Variants in ENTPD5 observed in about 807,000 individuals in gnomAD.
ENTPD5 encodes the protein ectonucleoside triphosphate diphosphohydrolase 5 (inactive).
A neutral mutation model predicts 60.2 loss-of-function variants in ENTPD5; 49 were observed. The ratio of observed to expected loss-of-function variants is 0.81; its 90% confidence interval spans 0.65 to 1.03. The LOEUF (loss-of-function observed/expected upper bound fraction) is 1.03, where lower values mean the gene tolerates loss of function less well. ENTPD5 is among the 50% of genes least tolerant of loss of function. The probability of loss-of-function intolerance (pLI) is 0.00; values close to 1 mark genes in which losing one functional copy is unlikely to be tolerated. For synonymous variants in ENTPD5, 187 were observed against 185.4 expected (o/e 1.01, Z -0.07); for missense variants, 480 against 507.6 (o/e 0.95, Z 0.52).
chr14:73,984,686 TAATTA>T (rs1206189981), intron 5 of ENTPD5, among the ~76,000 whole-genome samples: 1 of 148,772 alleles, frequency 6.7e-6, no homozygotes, highest in Non-Finnish European at 1.5e-5. Context: ...TTTTCTTTTT[TAATTA>T]TTTATTTTTA....
downstream of ENTPD5, chr14:73,956,882 T>C (rs2056460633): frequency 6.6e-6 from 1 of 152,120 alleles, no homozygotes; most frequent in Non-Finnish European, 1.5e-5. Context: ...TAAAGATAAT[T>C]TGAATCTAAA....
intron 15 of ENTPD5, among the ~76,000 whole-genome samples, chr14:73,968,582 C>T (rs958834893): frequency 2.6e-5 from 4 of 151,888 alleles, no homozygotes; most frequent in African/African-American, 4.8e-5. Flanking sequence ...CCTGCCACCA[C>T]GCCCGGCTAA....
At chr14:73,987,724 T>A (rs1179226669) in intron 4 of ENTPD5, among the ~76,000 whole-genome samples, 162 bp downstream of exon 4, 1 of 151,954 alleles carries the variant, frequency 6.6e-6, no homozygotes, top group African/African-American at 2.4e-5. Context: ...AATAAATAAA[T>A]AAACCACATG....
intron 3 of ENTPD5, chr14:74,007,827 A>C (rs1350813353): frequency 6.8e-6 from 1 of 146,542 alleles, no homozygotes; most frequent in African/African-American, 2.6e-5. Flanking sequence ...TGTTGAAAAA[A>C]AAAAATTTTT....
At chr14:73,958,352 T>A, downstream of ENTPD5, 17 of 1,608,820 alleles carry the variant, frequency 1.1e-5, no homozygotes, top group Non-Finnish European at 1.4e-5. Context: ...ACTCTGGTTT[T>A]CGATTTAAGC....
chr14:74,018,238 A>C (rs545830665), intron 1 of ENTPD5, among the ~76,000 whole-genome samples: 20 of 152,228 alleles, frequency 1.3e-4, no homozygotes, highest in African/African-American at 4.6e-4. Flanking sequence ...GTTCCCTCAG[A>C]AGAAACAGAA....
rs1301625974 is a variant in ENTPD5 at position 73,970,184 on chromosome 14, T to A, written c.1085-59A>T. ...TGCAACTAACTGAGAGGTGTAGGAT[T>A]TTCTCTTAGAAAGAAGTGGAATAGG... is the stretch of plus-strand genomic sequence containing the variant. On this transcript the variant is annotated intron_variant, in intron 14 of 15. Coordinates refer to ENST00000334696, the MANE Select transcript of ENTPD5 (RefSeq NM_001249.5). 4.6e-5 allele frequency: 59 copies of A among 1,283,072 alleles called. No individual in the cohort carries two copies. In the Middle Eastern group the frequency reaches 1.1e-3, roughly 24 times the overall value. The allele number at this position is 1,283,072 out of a possible 1,614,324, so 79.5% of individuals were successfully genotyped here.
At chr14:73,999,681 A>T (rs1238756871) in intron 3 of ENTPD5, among the ~76,000 whole-genome samples, 1 of 151,896 alleles carries the variant, frequency 6.6e-6, no homozygotes, top group Non-Finnish European at 1.5e-5. Flanking sequence ...AATCCCAGCT[A>T]CTCAGGAGGG....
intron 2 of ENTPD5, among the ~76,000 whole-genome samples, chr14:74,011,775 A>T (rs765654182): frequency 6.6e-6 from 1 of 152,016 alleles, no homozygotes; most frequent in Non-Finnish European, 1.5e-5. Flanking sequence ...TTGCTGTTAA[A>T]ATGTCAGCCA....
Position 73,965,138 on chromosome 14 carries a change from T to G in ENTPD5, c.*1790A>C, listed in dbSNP as rs903712996. On this transcript the variant is annotated 3_prime_UTR_variant, in exon 16 of 16. Transcript: ENST00000334696. ...AAGACAAGAATTTTAGGGACAAGGATACAGAAATTTGCCTAGTAACTTGCA... is the reference window on the plus strand; with the variant it reads ...AAGACAAGAATTTTAGGGACAAGGAGACAGAAATTTGCCTAGTAACTTGCA... 2.6e-5 allele frequency: 4 copies of G among 152,202 alleles called. No homozygotes were observed. The highest frequency in any genetic ancestry group is 4.4e-5 in the Non-Finnish European group (3 of 68,038). 9.4% of individuals were successfully genotyped at this position (152,202 alleles called of 1,614,324 possible).
downstream of ENTPD5, chr14:73,955,571 C>T: frequency 1.3e-6 from 2 of 1,504,740 alleles, no homozygotes; most frequent in Non-Finnish European, 9.3e-7. Flanking sequence ...TATCGGAGTC[C>T]ACTTTCTCCA....
intron 11 of ENTPD5, 22 bp downstream of exon 11, chr14:73,974,902 C>CCA (rs756286715): frequency 6.2e-7 from 1 of 1,604,892 alleles, no homozygotes; most frequent in South Asian, 1.1e-5. Context: ...CATCCCCCCC[C>CCA]AGCACAGGTA....
chr14:73,992,910 C>T (rs919514588), intron 3 of ENTPD5, among the ~76,000 whole-genome samples: 18 of 148,888 alleles, frequency 1.2e-4, no homozygotes, highest in Non-Finnish European at 1.9e-4. Flanking sequence ...GGCTGAAGTA[C>T]GAGAATCGCT....
chr14:73,968,615 G>A (rs563378766), intron 15 of ENTPD5, among the ~76,000 whole-genome samples: 4 of 151,870 alleles, frequency 2.6e-5, no homozygotes, highest in African/African-American at 9.7e-5. Flanking sequence ...TAGTAGAGAC[G>A]GGGTTTCACC....
intron 3 of ENTPD5, among the ~76,000 whole-genome samples, chr14:73,992,001 C>CA (rs1371061746): frequency 9.6e-5 from 14 of 146,240 alleles, no homozygotes; most frequent in East Asian, 4.0e-4. Flanking sequence ...CTCCGTCTCA[C>CA]AAAAAAAAAG....
At chr14:73,991,543 G>A (rs1029149639) in intron 3 of ENTPD5, among the ~76,000 whole-genome samples, 2 of 141,070 alleles carry the variant, frequency 1.4e-5, no homozygotes, top group African/African-American at 2.6e-5. Context: ...AGTCAAGATC[G>A]CACCACTGTG....
intron 3 of ENTPD5, among the ~76,000 whole-genome samples, chr14:73,994,064 G>C (rs2058247043): frequency 6.6e-6 from 1 of 152,018 alleles, no homozygotes; most frequent in Non-Finnish European, 1.5e-5. Flanking sequence ...TAAACCACTT[G>C]CAATCGCACT....
At chr14:74,002,564 G>A (rs2140796679) in intron 3 of ENTPD5, among the ~76,000 whole-genome samples, 1 of 152,274 alleles carries the variant, frequency 6.6e-6, no homozygotes, top group Non-Finnish European at 1.5e-5. Flanking sequence ...ACTGTGCCCA[G>A]CTAATCAAGA....
chr14:73,975,981 G>T lies in ENTPD5; in HGVS notation c.677C>A (p.Thr226Asn), dbSNP rs1231318802. The T allele has an allele frequency of 6.2e-7, 1 of 1,613,692 alleles. No individual in the cohort carries two copies. ...TLEQTPRGYL[T>N]SFEMFNSTYK... ...AGTGCTGTTAAACATCTCAAAGGAA[G>T]TGAGGTAGCCCCTAGGAGTTTGTTC... Residue 226 changes from threonine to asparagine, a missense_variant, in exon 10 of 16, where the codon ACT becomes AAT. Coordinates refer to ENST00000334696, the MANE Select transcript of ENTPD5 (RefSeq NM_001249.5).
Sources: allele counts gnomAD v4.1 joint callset (sites outside exome capture counted in the v4.1 genomes callset), GRCh38; gene constraint gnomAD v4.1.1; transcripts MANE v1.5; gene names NCBI Gene and HGNC (gene_info 2026-07-23, HGNC 2026-07-21).